The following NKAIN3 variants were observed in gnomAD, a reference collection of about 807,000 sequenced individuals.
NKAIN3 encodes the protein sodium/potassium-transporting ATPase subunit beta-1-interacting protein 3.
A neutral mutation model predicts 30.2 loss-of-function variants in NKAIN3; 25 were observed. The ratio of observed to expected loss-of-function variants is 0.83; its 90% CI spans 0.60 to 1.16. The LOEUF is 1.16. NKAIN3 is among the 50% of genes most tolerant of loss of function. The probability of loss-of-function intolerance (pLI) is 0.00; values close to 1 mark genes in which losing one functional copy is unlikely to be tolerated. For missense variants in NKAIN3, 225 were observed against 254.1 expected (o/e 0.89, Z 0.78); for synonymous variants, 91 against 89.6 (o/e 1.02, Z -0.09).
At chr8:62,722,329 G>A (rs766191651) in intron 3 of NKAIN3, among the ~76,000 whole-genome samples, 10 of 152,104 alleles carry the variant, frequency 6.6e-5, no homozygotes, top group Non-Finnish European at 1.5e-4. Context: ...TTAAGTAGTG[G>A]CTTGGAAGCC....
At chr8:62,623,695 G>T (rs1811694149) in intron 3 of NKAIN3, among the ~76,000 whole-genome samples, 1 of 152,020 alleles carries the variant, frequency 6.6e-6, no homozygotes, top group Non-Finnish European at 1.5e-5. Flanking sequence ...ATTTTTGTTT[G>T]TATAAGAAAC....
rs1273361579 is a variant in NKAIN3 at position 62,610,309 on chromosome 8, C to T, written c.273+20515C>T. Among the ~76,000 whole-genome samples, 6 of 150,560 alleles carry T rather than the reference C, an allele frequency of 4.0e-5. No individual in the cohort carries two copies. In the East Asian group the frequency reaches 1.2e-3, roughly 29 times the overall value. Reference sequence around the variant, plus strand: ...GCAGTGAGCCAAGATCATACCATTGCACCCCAGCCTGGGCAATAAGAGCAA... The same window carrying T: ...GCAGTGAGCCAAGATCATACCATTGTACCCCAGCCTGGGCAATAAGAGCAA... On this transcript the variant is annotated intron_variant, in intron 3 of 6. Coordinates refer to ENST00000623646, the MANE Select transcript of NKAIN3 (RefSeq NM_001304533.3).
chr8:62,765,246 C>CAAAAAA (rs34477671), intron 4 of NKAIN3, among the ~76,000 whole-genome samples: 57 of 42,080 alleles, frequency 1.4e-3, no homozygotes, highest in African/African-American at 2.6e-3. Context: ...GACTCCATCT[C>CAAAAAA]AAAAAAAAAA....
intron 1 of NKAIN3, among the ~76,000 whole-genome samples, chr8:62,352,385 A>G (rs1178777422): frequency 1.3e-5 from 2 of 152,164 alleles, no homozygotes; most frequent in Non-Finnish European, 2.9e-5. Flanking sequence ...CACATGGACC[A>G]TTTTATTCAC....
chr8:62,536,468 A>T (rs1304313618), intron 1 of NKAIN3, among the ~76,000 whole-genome samples: 1 of 152,080 alleles, frequency 6.6e-6, no homozygotes, highest in African/African-American at 2.4e-5. Flanking sequence ...TATCAAGTGG[A>T]TTTATTGAAT....
At chr8:62,373,706 A>G (rs1816979773) in intron 1 of NKAIN3, among the ~76,000 whole-genome samples, 1 of 152,248 alleles carries the variant, frequency 6.6e-6, no homozygotes, top group Non-Finnish European at 1.5e-5. Flanking sequence ...GCACTGAAGA[A>G]AATGAGTTGC....
At chr8:62,905,044 G>A (rs929118185) in intron 4 of NKAIN3, among the ~76,000 whole-genome samples, 35 of 152,150 alleles carry the variant, frequency 2.3e-4, no homozygotes, top group African/African-American at 7.9e-4. Context: ...ACAATGCTGT[G>A]ATACAAAGCA....
intron 2 of NKAIN3, among the ~76,000 whole-genome samples, chr8:62,587,795 A>C (rs1388077992): frequency 6.6e-6 from 1 of 152,022 alleles, no homozygotes; most frequent in Non-Finnish European, 1.5e-5. Context: ...GTAGGAACTG[A>C]CAGTTGAGGT....
At chr8:62,563,963 C>T (rs566512901) in intron 1 of NKAIN3, among the ~76,000 whole-genome samples, 2 of 152,134 alleles carry the variant, frequency 1.3e-5, no homozygotes, top group Non-Finnish European at 2.9e-5. Flanking sequence ...TCAGGCAAAC[C>T]ATACACACTA....
intron 6 of NKAIN3, among the ~76,000 whole-genome samples, chr8:62,959,433 GGTGTGTGTGTGTGT>G (rs35737951): frequency 7.0e-6 from 1 of 143,154 alleles, no homozygotes; most frequent in Non-Finnish European, 1.5e-5. Context: ...GACAAATCAG[GGTGTGTGTGTGTGT>G]GTGTGTGTGT....
At chr8:62,455,616 C>T (rs746628674) in intron 1 of NKAIN3, among the ~76,000 whole-genome samples, 3 of 152,106 alleles carry the variant, frequency 2.0e-5, no homozygotes, top group South Asian at 2.1e-4. Context: ...CAAACCTCAG[C>T]GTTATGCAAT....
At chr8:62,319,836 T>A (rs1365396740) in intron 1 of NKAIN3, among the ~76,000 whole-genome samples, 2 of 152,204 alleles carry the variant, frequency 1.3e-5, no homozygotes, top group Admixed American at 6.5e-5. Flanking sequence ...GTTCTGTAGA[T>A]GTCTATTAGG....
intron 4 of NKAIN3, among the ~76,000 whole-genome samples, chr8:62,908,321 G>A (rs1193490186): frequency 2.0e-5 from 3 of 152,046 alleles, no homozygotes; most frequent in African/African-American, 7.3e-5. Context: ...GAAGGGACTT[G>A]CTTTATCTCA....
intron 3 of NKAIN3, among the ~76,000 whole-genome samples, chr8:62,593,704 CA>C (rs1209318245): frequency 6.6e-6 from 1 of 151,880 alleles, no homozygotes; most frequent in Non-Finnish European, 1.5e-5. Flanking sequence ...ACAAAAAAAT[CA>C]AAACAGAAAC....
At chr8:62,671,842 C>T (rs536678548) in intron 3 of NKAIN3, among the ~76,000 whole-genome samples, 1 of 152,126 alleles carries the variant, frequency 6.6e-6, no homozygotes, top group East Asian at 1.9e-4. Context: ...TCAGCAGTCC[C>T]AGGTGTGACT....
chr8:62,823,909 G>A (rs184645826), intron 4 of NKAIN3, among the ~76,000 whole-genome samples: 12 of 152,220 alleles, frequency 7.9e-5, no homozygotes, highest in Admixed American at 2.6e-4. Flanking sequence ...AAACAAGCTC[G>A]CTGGTGGAAA....
chr8:62,345,628 T>C lies in NKAIN3; in HGVS notation c.54+96501T>C, dbSNP rs113745990. ...ATATATGTATATACACACATATATATACACATATATGTATATATACACATA... is the reference window on the plus strand; with the variant it reads ...ATATATGTATATACACACATATATACACACATATATGTATATATACACATA... On this transcript the variant is annotated intron_variant, in intron 1 of 6. Transcript: ENST00000623646. 1.1e-3 allele frequency among the ~76,000 whole-genome samples: 151 copies of C among 137,202 alleles called. 1 individual carries two copies. The highest frequency in any genetic ancestry group is 1.8e-3 in the Non-Finnish European group (123 of 67,172). 90.0% of individuals were successfully genotyped at this position (137,202 alleles called of 152,430 possible).
At chr8:62,854,907 A>G (rs989385130) in intron 4 of NKAIN3, among the ~76,000 whole-genome samples, 1 of 152,196 alleles carries the variant, frequency 6.6e-6, no homozygotes, top group African/African-American at 2.4e-5. Flanking sequence ...TCCCACTGAC[A>G]TTATTAGGCA....
chr8:62,676,338 G>A (rs1013745246), intron 3 of NKAIN3, among the ~76,000 whole-genome samples: 1 of 152,220 alleles, frequency 6.6e-6, no homozygotes, highest in African/African-American at 2.4e-5. Flanking sequence ...GGAGGCCGAG[G>A]CAGGTGGATC....
Sources: allele counts gnomAD v4.1 joint callset (sites outside exome capture counted in the v4.1 genomes callset), GRCh38; gene constraint gnomAD v4.1.1; transcripts MANE v1.5; gene names NCBI Gene and HGNC (gene_info 2026-07-23, HGNC 2026-07-21).